The following IL1RAPL1 variants were observed in gnomAD, a reference collection of about 807,000 sequenced individuals.
The protein encoded by IL1RAPL1 is interleukin-1 receptor accessory protein-like 1.
Under a neutral mutation model 48.4 loss-of-function variants are expected in IL1RAPL1, and 3 were observed. That is an observed-to-expected ratio of 0.06 (90% confidence interval 0.03 to 0.16). The LOEUF (loss-of-function observed/expected upper bound fraction) is 0.16, where lower values mean the gene tolerates loss of function less well. Ranked by LOEUF, IL1RAPL1 falls within the 10% of genes least tolerant of loss-of-function variation. The pLI is 1.00. For synonymous variants in IL1RAPL1, 185 were observed against 187.7 expected, an observed-to-expected ratio of 0.99 and a Z score of 0.12; for missense variants, 349 against 530.6, an observed-to-expected ratio of 0.66 and a Z score of 3.36.
chrX:28,755,957 A>C (rs1936100273), intron 1 of IL1RAPL1, among the ~76,000 whole-genome samples: 1 of 111,917 alleles, frequency 8.9e-6, no homozygotes, highest in Non-Finnish European at 1.9e-5. Flanking sequence ...TCCTACCCTA[A>C]GAACCACTGC....
intron 5 of IL1RAPL1, among the ~76,000 whole-genome samples, chrX:29,635,536 T>C (rs1924939930): frequency 9.0e-6 from 1 of 111,627 alleles, no homozygotes; most frequent in Admixed American, 9.5e-5. Context: ...ATAACTACAA[T>C]GTATCATTTC....
At chrX:29,869,035 TAGAC>T (rs1344938551) in intron 6 of IL1RAPL1, among the ~76,000 whole-genome samples, 2 of 112,189 alleles carry the variant, frequency 1.8e-5, no homozygotes, top group East Asian at 5.6e-4. Flanking sequence ...AGGGAGAGGA[TAGAC>T]AGGAAAGGGA....
At chrX:29,366,459 G>C (rs947383855) in intron 3 of IL1RAPL1, among the ~76,000 whole-genome samples, 1 of 107,584 alleles carries the variant, frequency 9.3e-6, no homozygotes, top group African/African-American at 3.4e-5. Context: ...CCACAGGGAT[G>C]ATTCAAATAG....
chrX:29,864,498 G>A (rs1199114739), intron 6 of IL1RAPL1, among the ~76,000 whole-genome samples: 1 of 111,943 alleles, frequency 8.9e-6, no homozygotes, highest in Non-Finnish European at 1.9e-5. Flanking sequence ...ACAGAAGAAT[G>A]TCAGAAATGA....
chrX:29,189,307 T>A (rs1930310397), intron 2 of IL1RAPL1, among the ~76,000 whole-genome samples: 1 of 112,140 alleles, frequency 8.9e-6, no homozygotes, highest in Admixed American at 9.5e-5. Flanking sequence ...ACCTCTCTGA[T>A]ACTATTTTCA....
At chrX:28,930,729 C>T (rs1203939966) in intron 2 of IL1RAPL1, among the ~76,000 whole-genome samples, 2 of 111,755 alleles carry the variant, frequency 1.8e-5, no homozygotes, top group African/African-American at 6.5e-5. Flanking sequence ...GCAAGCTCTG[C>T]CTCCGAGGTT....
rs1224352924 is a variant in IL1RAPL1 at position 28,900,808 on chromosome X, C to G, written c.82+111383C>G. On this transcript the variant is annotated intron_variant, in intron 2 of 10. Coordinates refer to ENST00000378993, the MANE Select transcript of IL1RAPL1 (RefSeq NM_014271.4). ...ATTTAAACAACCAGCTTTACCTTAT[C>G]TATTGAATGTCTCTGTTCTAGCTCC... Among the ~76,000 whole-genome samples the G allele has an allele frequency of 3.6e-5, 4 of 111,552 alleles. No homozygotes were observed. The East Asian group carries it at 1.1e-3, about 31-fold the overall frequency.
At chrX:29,419,704 A>G (rs753218055) in intron 5 of IL1RAPL1, among the ~76,000 whole-genome samples, 40 of 112,778 alleles carry the variant, frequency 3.5e-4, no homozygotes, top group African/African-American at 1.3e-3. Context: ...GAGTATTTCA[A>G]CAATGCTCAG....
intron 6 of IL1RAPL1, among the ~76,000 whole-genome samples, chrX:29,710,083 A>G (rs1023828565): frequency 1.1e-4 from 12 of 111,696 alleles, no homozygotes; most frequent in African/African-American, 3.9e-4. Flanking sequence ...AAGGTTTTCC[A>G]TATATAAGAT....
At position 29,405,363 on chromosome X, in the gene IL1RAPL1, T is replaced by TC. The variant is rs1329895421; in HGVS notation, c.703+6055_703+6056insC. On this transcript the variant is annotated intron_variant, in intron 5 of 10. Transcript: ENST00000378993. ...GATATGATATTTTCTCTGTGTTCTT[T>TC]ATTTATTTATTTATTTTTTTTGAGA... is the stretch of plus-strand genomic sequence containing the variant. Among the ~76,000 whole-genome samples, 70 of 98,273 alleles carry TC rather than the reference T, an allele frequency of 7.1e-4. 6 individuals carry two copies. The highest frequency in any genetic ancestry group is 3.4e-3 in the African/African-American group (69 of 20,400). 85.3% of individuals were successfully genotyped at this position (98,273 alleles called of 115,157 possible). A position where few individuals can be genotyped will look rare whatever the true frequency, so the allele number is the denominator to read the frequency against.
chrX:29,045,561 G>T (rs889235124), intron 2 of IL1RAPL1, among the ~76,000 whole-genome samples: 2 of 111,417 alleles, frequency 1.8e-5, no homozygotes, highest in African/African-American at 6.5e-5. Flanking sequence ...AATTTCCTAG[G>T]CTCGAGGGAT....
intron 2 of IL1RAPL1, among the ~76,000 whole-genome samples, chrX:29,200,251 C>T (rs1014877871): frequency 2.7e-5 from 3 of 111,174 alleles, no homozygotes; most frequent in South Asian, 7.9e-4. Flanking sequence ...ATGTTATCAT[C>T]GCTGTTGGGT....
intron 5 of IL1RAPL1, among the ~76,000 whole-genome samples, chrX:29,560,799 T>G (rs1193691411): frequency 8.9e-6 from 1 of 112,357 alleles, no homozygotes; most frequent in Admixed American, 9.4e-5. Context: ...AGTTTGTACC[T>G]CACTGAGCTT....
At chrX:29,203,519 G>A (rs1429285383) in intron 2 of IL1RAPL1, among the ~76,000 whole-genome samples, 2 of 109,202 alleles carry the variant, frequency 1.8e-5, no homozygotes, top group Admixed American at 9.9e-5. Flanking sequence ...TTGGGAGTTC[G>A]AGACCAGCCT....
intron 5 of IL1RAPL1, among the ~76,000 whole-genome samples, chrX:29,626,610 T>C (rs1924621706): frequency 9.0e-6 from 1 of 110,726 alleles, no homozygotes; most frequent in East Asian, 2.8e-4. Context: ...TTCTGATATG[T>C]TGTTTTTAAA....
intron 2 of IL1RAPL1, among the ~76,000 whole-genome samples, chrX:28,835,530 T>C (rs1480144103): frequency 9.0e-6 from 1 of 110,920 alleles, no homozygotes; most frequent in African/African-American, 3.3e-5. Flanking sequence ...CTTAATATCT[T>C]AGGAAATTCT....
intron 5 of IL1RAPL1, among the ~76,000 whole-genome samples, chrX:29,495,907 C>G (rs780600051): frequency 9.0e-6 from 1 of 110,808 alleles, no homozygotes; most frequent in South Asian, 3.9e-4. Flanking sequence ...CTGTCTGTCT[C>G]TCCCCTTGAA....
At chrX:29,563,542 A>G (rs1922307406) in intron 5 of IL1RAPL1, among the ~76,000 whole-genome samples, 1 of 112,646 alleles carries the variant, frequency 8.9e-6, no homozygotes, top group Non-Finnish European at 1.9e-5. Flanking sequence ...CTGCAGTTAG[A>G]ATATTCATGA....
chrX:29,830,606 C>G (rs940507651), intron 6 of IL1RAPL1, among the ~76,000 whole-genome samples: 2 of 110,185 alleles, frequency 1.8e-5, no homozygotes, highest in Non-Finnish European at 1.9e-5. Context: ...CCCGCCACCA[C>G]GCCTGGCTGA....
Sources: gnomAD v4.1 joint callset for allele counts (sites outside exome capture counted in the v4.1 genomes callset) on GRCh38, gnomAD v4.1.1 for gene constraint, MANE v1.5 for transcripts, NCBI Gene and HGNC (gene_info 2026-07-23, HGNC 2026-07-21) for gene names.